VWA8: variants seen among roughly 807,000 people sequenced by gnomAD.
VWA8 encodes von Willebrand factor A domain containing 8, also known as von Willebrand factor A domain-containing protein 8.
A neutral mutation model predicts 241.5 loss-of-function variants in VWA8; 221 were observed. That is an observed-to-expected ratio of 0.91 (90% CI 0.82 to 1.02). The LOEUF (loss-of-function observed/expected upper bound fraction) is 1.02. VWA8 is among the 50% of genes least tolerant of loss of function. VWA8 has a pLI of 0.00. For missense variants in VWA8, 2,322 were observed against 2,328.7 expected (o/e 1.00, Z 0.06); for synonymous variants, 852 against 827.1 (o/e 1.03, Z -0.52).
chr13:41,804,096 G>A (rs1318406935), intron 17 of VWA8, among the ~76,000 whole-genome samples: 1 of 152,186 alleles, frequency 6.6e-6, no homozygotes, highest in Non-Finnish European at 1.5e-5. Context: ...TAAAGAGGAG[G>A]TAGAGAGAGA....
chr13:41,653,609 C>G (rs2044882674), intron 37 of VWA8, among the ~76,000 whole-genome samples: 1 of 152,150 alleles, frequency 6.6e-6, no homozygotes, highest in African/African-American at 2.4e-5. Flanking sequence ...CCAAAGCAAT[C>G]CTAAGTAAAA....
chr13:41,778,222 T>C (rs1868708028), intron 19 of VWA8, among the ~76,000 whole-genome samples, 166 bp from the exon 20 acceptor site: 1 of 152,164 alleles, frequency 6.6e-6, no homozygotes, highest in African/African-American at 2.4e-5. Context: ...GTAAATTATA[T>C]AACCATTTAG....
intron 40 of VWA8, among the ~76,000 whole-genome samples, chr13:41,595,202 T>C (rs1353142594): frequency 2.0e-5 from 3 of 152,200 alleles, no homozygotes; most frequent in Non-Finnish European, 1.5e-5. Flanking sequence ...TTTTAGGTCT[T>C]AATTTTCTTG....
chr13:41,623,101 C>T (rs1456237334), intron 37 of VWA8, among the ~76,000 whole-genome samples: 1 of 151,908 alleles, frequency 6.6e-6, no homozygotes, highest in Non-Finnish European at 1.5e-5. Context: ...AGGAAGCCTT[C>T]CCAGGTAAAA....
intron 37 of VWA8, among the ~76,000 whole-genome samples, chr13:41,666,662 T>C (rs1001970059): frequency 1.3e-5 from 2 of 152,158 alleles, no homozygotes; most frequent in African/African-American, 4.8e-5. Context: ...ACTAGTTTAC[T>C]AGCACGCCAC....
At chr13:41,846,953 C>T (rs865927728) in intron 12 of VWA8, among the ~76,000 whole-genome samples, 1 of 152,236 alleles carries the variant, frequency 6.6e-6, no homozygotes, top group African/African-American at 2.4e-5. Flanking sequence ...TTGAACTCTG[C>T]AGGCAGAGGT....
chr13:41,574,698 G>C (rs2044340045), intron 43 of VWA8, among the ~76,000 whole-genome samples: 2 of 152,186 alleles, frequency 1.3e-5, no homozygotes, highest in African/African-American at 4.8e-5. Context: ...TACCAAAACA[G>C]CATGGTACTG....
chr13:41,961,075 C>G lies in VWA8; in HGVS notation c.-60G>C, dbSNP rs1010617787. ...CTCGGGGATCGAGCGGCGTCCCGTG[C>G]AGGCACCGTGAGGCAGCGCGGAGAA... On this transcript the variant is annotated 5_prime_UTR_variant, in exon 1 of 45. Transcript: ENST00000379310. 13 of 1,332,770 alleles carry G rather than the reference C, an allele frequency of 9.8e-6. No homozygotes were observed. In the East Asian group the frequency reaches 1.6e-4, roughly 16 times the overall value. 82.6% of individuals were successfully genotyped at this position (1,332,770 alleles called of 1,614,324 possible).
chr13:41,671,745 C>A (rs530230476), intron 36 of VWA8, among the ~76,000 whole-genome samples: 6 of 152,196 alleles, frequency 3.9e-5, no homozygotes, highest in South Asian at 2.1e-4. Context: ...CCCTTCCCCC[C>A]CATTCATGTT....
chr13:41,584,240 A>AT (rs1409898887), intron 42 of VWA8, among the ~76,000 whole-genome samples: 1 of 152,228 alleles, frequency 6.6e-6, no homozygotes, highest in Non-Finnish European at 1.5e-5. Flanking sequence ...AACAAAAAAA[A>AT]GGGAAAACAA....
rs908028868 is a variant in VWA8, at chr13:41,815,863, G to A, written c.1947+835C>T. On this transcript the variant is annotated intron_variant, in intron 16 of 44. Coordinates refer to ENST00000379310, the MANE Select transcript of VWA8 (RefSeq NM_015058.2). ...GATTATGAAATCCACTACTAGGACA[G>A]TTACTGACAATAGATAAGAGAACAG... Among the ~76,000 whole-genome samples, 3 of 152,208 alleles carry A rather than the reference G, an allele frequency of 2.0e-5. No homozygotes were observed. The South Asian group carries it at 6.2e-4, about 31-fold the overall frequency.
chr13:41,742,526 A>C (rs1312729257), intron 21 of VWA8, among the ~76,000 whole-genome samples: 1 of 152,226 alleles, frequency 6.6e-6, no homozygotes, highest in Non-Finnish European at 1.5e-5. Context: ...AAAACATACA[A>C]AAATAGAAAC....
intron 37 of VWA8, among the ~76,000 whole-genome samples, chr13:41,648,118 C>G (rs2044843977): frequency 1.3e-5 from 2 of 152,154 alleles, no homozygotes; most frequent in Non-Finnish European, 2.9e-5. Context: ...GAGAGCTTTC[C>G]TAACACAATA....
chr13:41,599,008 C>T (rs1241083747), intron 40 of VWA8, among the ~76,000 whole-genome samples: 2 of 152,130 alleles, frequency 1.3e-5, no homozygotes, highest in East Asian at 3.9e-4. Context: ...TTTTCAGTGG[C>T]CTCCTCTACA....
At chr13:41,806,776 G>A (rs1870230389) in intron 17 of VWA8, among the ~76,000 whole-genome samples, 1 of 151,958 alleles carries the variant, frequency 6.6e-6, no homozygotes, top group Non-Finnish European at 1.5e-5. Context: ...TACTCAGGAG[G>A]CAGAGGCAGG....
rs202013216 is a variant in VWA8 at position 41,819,336 on chromosome 13, G to T, written c.1751C>A (p.Pro584His). 2.1e-5 allele frequency: 34 copies of T among 1,612,156 alleles called. No individual in the cohort carries two copies. Among genetic ancestry groups the T allele is most frequent in the Non-Finnish European group, 2.6e-5 (31 of 1,179,596 alleles). ...GTGTGCTGTGCTTCCAATAACAGGG[G>T]GTTCTGCCAAGGCAATGATTCTGAA... is the stretch of plus-strand genomic sequence containing the variant. The part of the protein sequence containing the change: ...PSFRIIALAE[P>H]PVIGSTAHQW... Residue 584 changes from proline (P) to histidine (H), a missense_variant, in exon 15 of 45, where the codon CCC (proline) becomes CAC (histidine). Physicochemically the swap from Pro to His is moderately conservative, Grantham distance 77. Coordinates refer to ENST00000379310, the MANE Select transcript of VWA8 (RefSeq NM_015058.2).
intron 3 of VWA8, among the ~76,000 whole-genome samples, chr13:41,911,696 G>A (rs140453227): frequency 6.6e-6 from 1 of 152,296 alleles, no homozygotes; most frequent in African/African-American, 2.4e-5. Context: ...TGAGATAAGG[G>A]AATGTTCACT....
intron 40 of VWA8, among the ~76,000 whole-genome samples, chr13:41,593,711 T>C (rs2044471373): frequency 1.3e-5 from 2 of 152,166 alleles, no homozygotes; most frequent in African/African-American, 4.8e-5. Context: ...GTACAACTCT[T>C]GGAGGTACCA....
intron 4 of VWA8, among the ~76,000 whole-genome samples, chr13:41,893,458 TA>T (rs1326830686): frequency 1.3e-5 from 2 of 148,596 alleles, no homozygotes; most frequent in Non-Finnish European, 1.5e-5. Flanking sequence ...CTAGAAGCTT[TA>T]TTTAAAAAAA....
Sources: allele counts gnomAD v4.1 joint callset (sites outside exome capture counted in the v4.1 genomes callset), GRCh38; gene constraint gnomAD v4.1.1; transcripts MANE v1.5; gene names NCBI Gene and HGNC (gene_info 2026-07-23, HGNC 2026-07-21).